Variants in LRRIQ1 observed in about 807,000 individuals in gnomAD.
The protein encoded by LRRIQ1 is leucine rich repeats and IQ motif containing 1.
LRRIQ1 carries 210 observed loss-of-function variants against 211.9 expected under a neutral mutation model. The ratio of observed to expected loss-of-function variants is 0.99; its 90% CI spans 0.89 to 1.11. The LOEUF is 1.11. Among genes scored for constraint, LRRIQ1 ranks in the 50% most tolerant of loss-of-function variants. The pLI, the probability that LRRIQ1 is intolerant of heterozygous loss-of-function variation, is 0.00. For missense variants in LRRIQ1, 2,136 were observed against 1,939.5 expected (o/e 1.10, Z -1.90); for synonymous variants, 699 against 650.1 (o/e 1.08, Z -1.14).
At chr12:85,150,188 A>G (rs1279092913) in intron 19 of LRRIQ1, among the ~76,000 whole-genome samples, 1 of 151,760 alleles carries the variant, frequency 6.6e-6, no homozygotes, top group African/African-American at 2.4e-5. Flanking sequence ...CGTTTTCCAT[A>G]ACCACTCCTC....
chr12:85,125,005 C>G (rs1444665272), intron 17 of LRRIQ1: 1 of 160,192 alleles, frequency 6.2e-6, no homozygotes, highest in Non-Finnish European at 1.4e-5. Flanking sequence ...GGTGAAACCC[C>G]GTCTCTACTA....
chr12:85,207,762 C>G (rs1004271867), intron 24 of LRRIQ1, among the ~76,000 whole-genome samples: 1 of 152,064 alleles, frequency 6.6e-6, no homozygotes, highest in African/African-American at 2.4e-5. Flanking sequence ...TCCAGTTGTT[C>G]CGACATCATT....
chr12:85,154,144 A>G lies in LRRIQ1; in HGVS notation c.4720+50A>G, dbSNP rs1379495336. 5 of 987,770 alleles carry G rather than the reference A, an allele frequency of 5.1e-6. No homozygotes were observed. In the South Asian group the frequency reaches 1.0e-4, roughly 20 times the overall value. The allele number at this position is 987,770 out of a possible 1,614,324, so 61.2% of individuals were successfully genotyped here. ...AATAACTGTGTATGGAAAATTGAAG[A>G]TAACTTCTTTAAAATATATTTTATA... On this transcript the variant is annotated intron_variant, in intron 23 of 26. Coordinates refer to ENST00000393217, the MANE Select transcript of LRRIQ1 (RefSeq NM_001079910.2).
chr12:85,064,969 C>A (rs1044412704), intron 8 of LRRIQ1, among the ~76,000 whole-genome samples: 5 of 151,776 alleles, frequency 3.3e-5, no homozygotes, highest in South Asian at 4.2e-4. Flanking sequence ...CTTTAAAAAT[C>A]AAAAATTGTT....
intron 15 of LRRIQ1, 152 bp downstream of exon 15, chr12:85,106,767 T>C: frequency 1.7e-6 from 1 of 604,250 alleles, no homozygotes; most frequent in Non-Finnish European, 2.9e-6. Flanking sequence ...GTAAAAGTAG[T>C]TTTAAAAATG....
chr12:85,229,820 A>G (rs913431997), intron 25 of LRRIQ1, among the ~76,000 whole-genome samples, 171 bp downstream of exon 25: 7 of 152,082 alleles, frequency 4.6e-5, no homozygotes, highest in Non-Finnish European at 8.8e-5. Context: ...TACTCCTTCT[A>G]TTTTTCACCC....
At chr12:85,169,298 G>C (rs554639863) in intron 24 of LRRIQ1, among the ~76,000 whole-genome samples, 2 of 152,212 alleles carry the variant, frequency 1.3e-5, no homozygotes, top group African/African-American at 4.8e-5. Flanking sequence ...GAGGAACCTG[G>C]AGAAAGAGTC....
At chr12:85,072,695 C>T (rs1049384573) in intron 10 of LRRIQ1, among the ~76,000 whole-genome samples, 2 of 151,156 alleles carry the variant, frequency 1.3e-5, no homozygotes, top group African/African-American at 2.4e-5. Context: ...CTACCTTGTC[C>T]GATATGGTTT....
chr12:85,232,232 G>T (rs972854282), intron 25 of LRRIQ1, among the ~76,000 whole-genome samples: 1 of 151,968 alleles, frequency 6.6e-6, no homozygotes, highest in Non-Finnish European at 1.5e-5. Flanking sequence ...AAGAGTTCTT[G>T]AAAAGCCAAA....
chr12:85,047,783 G>T, intron 6 of LRRIQ1: 1 of 216,626 alleles, frequency 4.6e-6, no homozygotes, highest in Non-Finnish European at 9.2e-6. Context: ...TCTAAACATT[G>T]GAAAAAGCAA....
intron 11 of LRRIQ1, among the ~76,000 whole-genome samples, chr12:85,079,719 G>A (rs11612309): frequency 0.22 from 33,341 of 151,910 alleles, 4,320 homozygotes; most frequent in Admixed American, 0.31. Context: ...TGATGTATTT[G>A]AGATTAAACC....
Position 85,133,357 on chromosome 12 carries a change from C to T in LRRIQ1, c.4210-4493C>T, listed in dbSNP as rs112026255. ...TTTAGGCAATAAATAGACTAGATAA[C>T]ATAGCCCCTCCTGGAGTCTCAAACC... On this transcript the variant is annotated intron_variant, in intron 18 of 26. Coordinates refer to ENST00000393217, the MANE Select transcript of LRRIQ1 (RefSeq NM_001079910.2). Among the ~76,000 whole-genome samples, 38 of 152,214 alleles carry T rather than the reference C, an allele frequency of 2.5e-4. 1 individual carries two copies. The highest frequency in any genetic ancestry group is 8.9e-4 in the African/African-American group (37 of 41,546).
At chr12:85,228,827 A>G (rs868761198) in intron 24 of LRRIQ1, among the ~76,000 whole-genome samples, 1 of 152,152 alleles carries the variant, frequency 6.6e-6, no homozygotes, top group African/African-American at 2.4e-5. Context: ...TAATAAATTG[A>G]CTTTAAATTT....
chr12:85,040,647 A>G (rs1878765952), intron 3 of LRRIQ1, 46 bp downstream of exon 3: 2 of 1,146,516 alleles, frequency 1.7e-6, no homozygotes, highest in Non-Finnish European at 2.6e-6. Flanking sequence ...TTCTGTAAGT[A>G]TGAACAAATT....
chr12:85,118,708 GTT>G (rs1887762527), intron 15 of LRRIQ1, among the ~76,000 whole-genome samples: 1 of 151,906 alleles, frequency 6.6e-6, no homozygotes, highest in Admixed American at 6.6e-5. Context: ...TTTCATAACT[GTT>G]TGTATAAATG....
At chr12:85,044,251 T>C (rs1163117377) in intron 3 of LRRIQ1, among the ~76,000 whole-genome samples, 1 of 152,062 alleles carries the variant, frequency 6.6e-6, no homozygotes, top group East Asian at 1.9e-4. Context: ...ATTATAAAAT[T>C]CAACAACTCA....
At chr12:85,042,728 AAAAC>A (rs1879047196) in intron 3 of LRRIQ1, among the ~76,000 whole-genome samples, 2 of 151,866 alleles carry the variant, frequency 1.3e-5, no homozygotes, top group Non-Finnish European at 1.5e-5. Flanking sequence ...GAAAAAGTGA[AAAAC>A]AAATCAATAA....
At chr12:85,055,222 TTTG>T (rs897689048) in intron 7 of LRRIQ1, among the ~76,000 whole-genome samples, 46 of 152,070 alleles carry the variant, frequency 3.0e-4, no homozygotes, top group African/African-American at 1.1e-3. Context: ...TGGTTTCCCT[TTTG>T]TTGTTGTTGT....
chr12:85,044,623 G>C (rs1351616131), intron 3 of LRRIQ1, 95 bp from the exon 4 acceptor site: 6 of 559,004 alleles, frequency 1.1e-5, no homozygotes, highest in Non-Finnish European at 1.9e-5. Context: ...TACCCTGATA[G>C]AATTTGAGGT....
Sources: allele counts gnomAD v4.1 joint callset (sites outside exome capture counted in the v4.1 genomes callset), GRCh38; gene constraint gnomAD v4.1.1; transcripts MANE v1.5; gene names NCBI Gene and HGNC (gene_info 2026-07-23, HGNC 2026-07-21).